PARP12: variants seen among roughly 807,000 people sequenced by gnomAD.
PARP12 encodes protein mono-ADP-ribosyltransferase PARP12.
A neutral mutation model predicts 72.4 loss-of-function variants in PARP12; 59 were observed. That is an observed-to-expected ratio of 0.81 (90% CI 0.66 to 1.01). The LOEUF is 1.01. Among genes scored for constraint, PARP12 ranks in the 50% least tolerant of loss-of-function variants. PARP12 has a pLI of 0.00. For synonymous variants in PARP12, 403 were observed against 371.4 expected, an observed-to-expected ratio of 1.09 and a Z score of -0.98; for missense variants, 851 against 914.0, an observed-to-expected ratio of 0.93 and a Z score of 0.89.
intron 1 of PARP12, among the ~76,000 whole-genome samples, 182 bp from the exon 2 acceptor site, chr7:140,058,216 A>G (rs1817271310): frequency 6.6e-6 from 1 of 152,226 alleles, no homozygotes; most frequent in African/African-American, 2.4e-5. Flanking sequence ...TACTGTCCTT[A>G]TAAGAAGAGA....
At chr7:140,035,884 A>AG (rs1816135600) in intron 7 of PARP12, among the ~76,000 whole-genome samples, 1 of 56,962 alleles carries the variant, frequency 1.8e-5, no homozygotes, top group African/African-American at 1.2e-4. Flanking sequence ...AGGAGGAGGA[A>AG]GAGGAAGAGG....
At chr7:140,028,867 T>C in intron 8 of PARP12, 179 bp from the exon 9 acceptor site, 1 of 493,976 alleles carries the variant, frequency 2.0e-6, no homozygotes, top group South Asian at 2.0e-5. Context: ...AGCACTTTTA[T>C]CTTTGCCTAT....
chr7:140,049,546 G>A (rs7781964), intron 4 of PARP12, among the ~76,000 whole-genome samples: 37,824 of 152,032 alleles, frequency 0.25, 5,321 homozygotes, highest in East Asian at 0.56. Context: ...ACAAACCCCA[G>A]GCACAGGTGT....
At chr7:140,037,366 G>A (rs1015338615) in intron 7 of PARP12, among the ~76,000 whole-genome samples, 6 of 152,250 alleles carry the variant, frequency 3.9e-5, no homozygotes, top group African/African-American at 1.4e-4. Context: ...GGGAGTGAAA[G>A]GCAGACACTG....
chr7:140,033,861 T>C (rs1030041215), intron 8 of PARP12: 22 of 989,378 alleles, frequency 2.2e-5, no homozygotes, highest in Non-Finnish European at 2.5e-5. Context: ...TGAGTTTTTA[T>C]TGGTGTAATT....
At chr7:140,044,087 C>A (rs1816611014) in intron 5 of PARP12, among the ~76,000 whole-genome samples, 1 of 152,048 alleles carries the variant, frequency 6.6e-6, no homozygotes, top group South Asian at 2.1e-4. Context: ...GAAAGCACAG[C>A]AAAATATGAG....
At chr7:140,056,791 C>T (rs111725337) in intron 3 of PARP12, 65 bp downstream of exon 3, 31 of 1,460,852 alleles carry the variant, frequency 2.1e-5, no homozygotes, top group Middle Eastern at 2.5e-4. Context: ...AGCTGGAATC[C>T]GGGAACCCCC....
chr7:140,033,998 G>T (rs1569526725), intron 8 of PARP12: 3 of 1,125,492 alleles, frequency 2.7e-6, no homozygotes, highest in East Asian at 5.7e-5. Context: ...CTTCTCCAGA[G>T]AATCATCGCA....
chr7:140,055,971 C>A (rs1293196310), intron 3 of PARP12, among the ~76,000 whole-genome samples: 1 of 152,214 alleles, frequency 6.6e-6, no homozygotes, highest in Non-Finnish European at 1.5e-5. Context: ...TGATTCTGCT[C>A]TGAGGGGAGG....
chr7:140,047,674 G>A (rs553509320), intron 4 of PARP12, among the ~76,000 whole-genome samples: 25 of 152,118 alleles, frequency 1.6e-4, no homozygotes, highest in African/African-American at 6.0e-4. Flanking sequence ...CTGGGGTATA[G>A]TGGCACAATC....
In PARP12 at chr7:140,061,994, G is replaced by GGA. The variant is rs1554389783; in HGVS notation, c.326+527_326+528insTC. ...CTCCCAGAAATGCCCGGGGGGGGGG[G>GGA]GGTGTTCCAGTCACAGAAGGGTCCT... On this transcript the variant is annotated intron_variant, in intron 1 of 11. Coordinates refer to ENST00000263549, the MANE Select transcript of PARP12 (RefSeq NM_022750.4). 2.0e-5 allele frequency among the ~76,000 whole-genome samples: 3 copies of GGA among 149,006 alleles called. 1 individual carries two copies. Among genetic ancestry groups the GGA allele is most frequent in the African/African-American group, 7.5e-5 (3 of 40,004 alleles).
In PARP12 at chr7:140,056,852, T is replaced by G. The variant is rs779706719; in HGVS notation, c.760+4A>C. 6.3e-7 allele frequency: 1 copy of G among 1,596,944 alleles called. No homozygotes were observed. ...CCAGCCTTACCACTCCCCACCAGCCTTACCAGAAGTCCCCTGTGGGACAAA... is the reference window on the plus strand; with the variant it reads ...CCAGCCTTACCACTCCCCACCAGCCGTACCAGAAGTCCCCTGTGGGACAAA... On this transcript the variant is annotated splice_donor_region_variant and intron_variant, in intron 3 of 11. Transcript: ENST00000263549.
At chr7:140,037,915 C>T (rs773303590) in intron 6 of PARP12, 59 bp from the exon 7 acceptor site, 2 of 1,572,812 alleles carry the variant, frequency 1.3e-6, no homozygotes, top group Non-Finnish European at 1.7e-6. Context: ...AGGAAAAACG[C>T]TGGTGGCACC....
chr7:140,057,795 G>A, intron 2 of PARP12, 104 bp downstream of exon 2: 1 of 1,478,480 alleles, frequency 6.8e-7, no homozygotes. Context: ...AACCAGACCA[G>A]AGATCACCAA....
chr7:140,046,119 C>T (rs1256128656), intron 5 of PARP12, among the ~76,000 whole-genome samples: 1 of 152,196 alleles, frequency 6.6e-6, no homozygotes, highest in Non-Finnish European at 1.5e-5. Context: ...CTAGGCTCTT[C>T]GCTGTGTGTA....
intron 4 of PARP12, among the ~76,000 whole-genome samples, chr7:140,050,388 G>C (rs1274869212): frequency 6.6e-6 from 1 of 152,178 alleles, no homozygotes; most frequent in Non-Finnish European, 1.5e-5. Flanking sequence ...TAGAGCAAGA[G>C]AAAAGCAAAT....
rs1365193581 is a variant in PARP12 at position 140,026,129 on chromosome 7, T to C, written c.1780+68A>G. On this transcript the variant is annotated intron_variant, in intron 11 of 11. Coordinates refer to ENST00000263549, the MANE Select transcript of PARP12 (RefSeq NM_022750.4). ...CTCAGGCTGGTCCCCTCATGCCCTC[T>C]AGCAGTCTGTTCCTATGCAGGGGCA... 3 of 1,611,064 alleles carry C rather than the reference T, an allele frequency of 1.9e-6. No individual in the cohort carries two copies. The African/African-American group carries it at 4.0e-5, about 22-fold the overall frequency.
rs760046307 is a variant in PARP12 at position 140,028,634 on chromosome 7, G to C, written c.1476C>G (p.Ala492=). 6.2e-7 allele frequency: 1 copy of C among 1,600,898 alleles called. No individual in the cohort carries two copies. Among genetic ancestry groups the C allele is most frequent in the South Asian group, 1.1e-5 (1 of 88,572 alleles). Residue 492 remains alanine (A), a synonymous_variant, in exon 9 of 12, where the codon GCC becomes GCG. Transcript: ENST00000263549. ...CTACCTGAAAGCCTGGGTCTGGCAG[G>C]GCAGAGGAGTCCCAATAGTCTGGGA... ...KSIPDYWDSS[A]LPDPGFQKIT...
At chr7:140,039,864 G>T (rs934665239) in intron 6 of PARP12, among the ~76,000 whole-genome samples, 11 of 151,678 alleles carry the variant, frequency 7.3e-5, no homozygotes, top group African/African-American at 2.7e-4. Flanking sequence ...ATCCACACGC[G>T]GTTCATCCCC....
Sources: gnomAD v4.1 joint callset for allele counts (sites outside exome capture counted in the v4.1 genomes callset) on GRCh38, gnomAD v4.1.1 for gene constraint, MANE v1.5 for transcripts, NCBI Gene and HGNC (gene_info 2026-07-23, HGNC 2026-07-21) for gene names.